Variants in GRK3 observed in about 807,000 individuals in gnomAD.
GRK3 encodes adrenergic, beta, receptor kinase 2.
Under a neutral mutation model 95.7 loss-of-function variants are expected in GRK3, and 54 were observed. The ratio of observed to expected loss-of-function variants is 0.56; its 90% CI spans 0.45 to 0.71. GRK3 has a LOEUF of 0.71. Among genes scored for constraint, GRK3 ranks in the 30% least tolerant of loss-of-function variants. The probability of loss-of-function intolerance (pLI) is 0.00; values close to 1 mark genes in which losing one functional copy is unlikely to be tolerated. For synonymous variants in GRK3, 281 were observed against 290.8 expected, an observed-to-expected ratio of 0.97 and a Z score of 0.34; for missense variants, 649 against 851.2, an observed-to-expected ratio of 0.76 and a Z score of 2.96.
At chr22:25,676,875 G>C (rs1405116414) in intron 8 of GRK3, among the ~76,000 whole-genome samples, 1 of 152,126 alleles carries the variant, frequency 6.6e-6, no homozygotes. Flanking sequence ...CCTCACTCAT[G>C]TCTGTTCCTG....
intron 3 of GRK3, among the ~76,000 whole-genome samples, chr22:25,645,496 C>T (rs945105719): frequency 2.6e-5 from 4 of 152,158 alleles, no homozygotes; most frequent in Admixed American, 6.5e-5. Context: ...TCAAAACACA[C>T]GCCAAGTTTT....
chr22:25,580,489 C>T (rs1932059937), intron 1 of GRK3: 1 of 152,126 alleles, frequency 6.6e-6, no homozygotes, highest in Non-Finnish European at 1.5e-5. Context: ...TTTAGAAATG[C>T]AAACTGAAAT....
At chr22:25,637,916 G>C (rs868567459) in intron 2 of GRK3, among the ~76,000 whole-genome samples, 8 of 152,308 alleles carry the variant, frequency 5.3e-5, no homozygotes, top group Middle Eastern at 3.4e-3. Context: ...TGGGGCATCT[G>C]ATCTTTTTGT....
At position 25,699,694 on chromosome 22, in the gene GRK3, C is replaced by CTT. The variant is rs1157678995; in HGVS notation, c.1161-3813_1161-3812dup. 1.3e-3 allele frequency among the ~76,000 whole-genome samples: 182 copies of CTT among 139,108 alleles called. 1 individual carries two copies. The highest frequency in any genetic ancestry group is 4.4e-3 in the African/African-American group (163 of 36,992). 91.3% of individuals were successfully genotyped at this position (139,108 alleles called of 152,430 possible). A position where few individuals can be genotyped will look rare whatever the true frequency, so the allele number is the denominator to read the frequency against. On this transcript the variant is annotated intron_variant, in intron 13 of 20. Coordinates refer to ENST00000324198, the MANE Select transcript of GRK3 (RefSeq NM_005160.4). The stretch of plus-strand genomic sequence containing the variant: ...TTTCTATTTTCTTTTCTTTTCTTTT[C>CTT]TTTTCTTTTTTTTTTTTTTTTTGAG...
At chr22:25,577,881 C>T (rs1001396974) in intron 1 of GRK3, among the ~76,000 whole-genome samples, 1 of 152,182 alleles carries the variant, frequency 6.6e-6, no homozygotes, top group African/African-American at 2.4e-5. Flanking sequence ...GCATAGTCTA[C>T]TCTACGTAGA....
At chr22:25,568,362 T>C (rs1350501294) in intron 1 of GRK3, among the ~76,000 whole-genome samples, 1 of 152,140 alleles carries the variant, frequency 6.6e-6, no homozygotes, top group Non-Finnish European at 1.5e-5. Context: ...AAATCACATA[T>C]AGTTGAAGGC....
At chr22:25,716,042 A>G (rs1419571351) in intron 18 of GRK3, among the ~76,000 whole-genome samples, 1 of 152,046 alleles carries the variant, frequency 6.6e-6, no homozygotes, top group Non-Finnish European at 1.5e-5. Flanking sequence ...GTTGGAGTGC[A>G]GTGGCGCGAT....
chr22:25,700,418 G>GAGTT (rs2146451210), intron 13 of GRK3, among the ~76,000 whole-genome samples: 1 of 152,300 alleles, frequency 6.6e-6, no homozygotes, highest in Non-Finnish European at 1.5e-5. Context: ...TCTCCCCGTG[G>GAGTT]AGTTGTCAGA....
intron 8 of GRK3, among the ~76,000 whole-genome samples, chr22:25,677,840 G>A (rs1030675876): frequency 2.0e-5 from 3 of 152,134 alleles, no homozygotes; most frequent in Non-Finnish European, 4.4e-5. Flanking sequence ...TTAGCCTTCT[G>A]TTGTCCTACC....
chr22:25,647,269 G>T, intron 3 of GRK3: 5 of 1,073,176 alleles, frequency 4.7e-6, no homozygotes, highest in Non-Finnish European at 7.0e-6. Flanking sequence ...ATAATGGGCT[G>T]CATTAAAAGC....
intron 1 of GRK3, 29 bp from the exon 2 acceptor site, chr22:25,604,348 G>A (rs759648642): frequency 6.4e-7 from 1 of 1,561,956 alleles, no homozygotes; most frequent in Non-Finnish European, 8.8e-7. Context: ...AGGCTGTATT[G>A]TTAAAAATGT....
intron 15 of GRK3, among the ~76,000 whole-genome samples, chr22:25,704,856 A>G (rs1320219789): frequency 1.3e-5 from 2 of 152,190 alleles, no homozygotes; most frequent in Non-Finnish European, 2.9e-5. Flanking sequence ...TCTCTCATGC[A>G]TAACTGAGTA....
chr22:25,602,453 A>G (rs2084415790), intron 1 of GRK3, among the ~76,000 whole-genome samples: 1 of 152,232 alleles, frequency 6.6e-6, no homozygotes, highest in Non-Finnish European at 1.5e-5. Flanking sequence ...CATATGACCA[A>G]CAATTTCACT....
chr22:25,725,811 T>G lies in GRK3; in HGVS notation c.*3361T>G, dbSNP rs1263825937. ...AATACAAATAAAAATTAGCCGGGCG[T>G]GGTGGCGGGCGCCTGTAGTCCCAGC... On this transcript the variant is annotated 3_prime_UTR_variant, in exon 21 of 21. Transcript: ENST00000324198. 2.8e-6 allele frequency: 1 copy of G among 362,968 alleles called. No homozygotes were observed. The highest frequency in any genetic ancestry group is 2.1e-5 in the African/African-American group (1 of 47,674). The allele number at this position is 362,968 out of a possible 1,614,324, so 22.5% of individuals were successfully genotyped here.
intron 1 of GRK3, among the ~76,000 whole-genome samples, chr22:25,598,497 C>A (rs1393372653): frequency 6.6e-6 from 1 of 151,810 alleles, no homozygotes; most frequent in Non-Finnish European, 1.5e-5. Context: ...CATGGTGAGA[C>A]CCTGTCTCTA....
chr22:25,581,858 A>G (rs1156734499), intron 1 of GRK3, among the ~76,000 whole-genome samples: 2 of 152,176 alleles, frequency 1.3e-5, no homozygotes, highest in African/African-American at 4.8e-5. Flanking sequence ...CCCTCTAAGC[A>G]TACTATCCAT....
At chr22:25,592,058 G>T (rs1330723343) in intron 1 of GRK3, among the ~76,000 whole-genome samples, 2 of 152,178 alleles carry the variant, frequency 1.3e-5, no homozygotes, top group Non-Finnish European at 2.9e-5. Flanking sequence ...CTAAGAAGCT[G>T]CCAAAGTGTT....
chr22:25,601,163 C>T (rs1347170907), intron 1 of GRK3, among the ~76,000 whole-genome samples: 1 of 152,162 alleles, frequency 6.6e-6, no homozygotes, highest in African/African-American at 2.4e-5. Context: ...ACCAACTTGA[C>T]CCAGTTGGTG....
At chr22:25,673,881 C>A (rs1270552369) in intron 7 of GRK3, among the ~76,000 whole-genome samples, 1 of 151,892 alleles carries the variant, frequency 6.6e-6, no homozygotes, top group African/African-American at 2.4e-5. Flanking sequence ...GTTTCACGCT[C>A]ACATGGCCAG....
Sources: gnomAD v4.1 joint callset for allele counts (sites outside exome capture counted in the v4.1 genomes callset) on GRCh38, gnomAD v4.1.1 for gene constraint, MANE v1.5 for transcripts, NCBI Gene and HGNC (gene_info 2026-07-23, HGNC 2026-07-21) for gene names.